Variants in RIMS2 observed in about 807,000 individuals in gnomAD.
RIMS2 encodes the protein regulating synaptic membrane exocytosis protein 2.
Under a neutral mutation model 174.4 loss-of-function variants are expected in RIMS2, and 59 were observed. The observed-to-expected ratio is 0.34, with a 90% CI of 0.27 to 0.42. The LOEUF (loss-of-function observed/expected upper bound fraction) is 0.42, where lower values mean the gene tolerates loss of function less well. RIMS2 is among the 10% of genes least tolerant of loss of function. The pLI, the probability that RIMS2 is intolerant of heterozygous loss-of-function variation, is 1.00. For synonymous variants in RIMS2, 606 were observed against 572.5 expected (o/e 1.06, Z -0.84); for missense variants, 1,620 against 1,666.3 (o/e 0.97, Z 0.48).
intron 19 of RIMS2, among the ~76,000 whole-genome samples, chr8:104,018,347 G>A (rs1170034877): frequency 1.3e-5 from 2 of 152,096 alleles, no homozygotes; most frequent in African/African-American, 4.8e-5. Flanking sequence ...TTTTACATAA[G>A]ACTTTAGGCT....
chr8:104,215,051 T>C (rs1301622184), intron 19 of RIMS2, among the ~76,000 whole-genome samples: 1 of 152,236 alleles, frequency 6.6e-6, no homozygotes, highest in Non-Finnish European at 1.5e-5. Flanking sequence ...TAACTTTAGA[T>C]GACTTTATTA....
At chr8:104,022,740 T>C (rs2096136675) in intron 19 of RIMS2, among the ~76,000 whole-genome samples, 1 of 152,206 alleles carries the variant, frequency 6.6e-6, no homozygotes, top group Non-Finnish European at 1.5e-5. Context: ...TGTAAAGTTT[T>C]CTAGTGACAA....
At chr8:104,172,820 T>G (rs2098840024) in intron 19 of RIMS2, among the ~76,000 whole-genome samples, 1 of 152,214 alleles carries the variant, frequency 6.6e-6, no homozygotes, top group African/African-American at 2.4e-5. Flanking sequence ...TGGATAATTT[T>G]AAAATCTCAA....
chr8:103,883,977 G>A (rs2099184984), intron 3 of RIMS2, among the ~76,000 whole-genome samples: 2 of 151,716 alleles, frequency 1.3e-5, no homozygotes, highest in Admixed American at 1.3e-4. Context: ...AACTTTCTTG[G>A]CCTTTATTCC....
chr8:103,555,039 G>A (rs1430174412), intron 1 of RIMS2, among the ~76,000 whole-genome samples: 1 of 152,102 alleles, frequency 6.6e-6, no homozygotes, highest in Admixed American at 6.6e-5. Flanking sequence ...TGAGCATGGA[G>A]GGAAGGAGAG....
intron 19 of RIMS2, among the ~76,000 whole-genome samples, chr8:104,195,803 G>A (rs118013107): frequency 0.019 from 2,931 of 152,144 alleles, 39 homozygotes; most frequent in Middle Eastern, 0.031. Context: ...ATGAGCCACC[G>A]TGCCCCACCT....
chr8:103,766,459 A>G (rs1393843120), exon 3 of RIMS2: 1 of 1,604,346 alleles, frequency 6.2e-7, no homozygotes, highest in Non-Finnish European at 8.5e-7. Flanking sequence ...AGTCGATCTC[A>G]TGGGCTCACA....
intron 2 of RIMS2, among the ~76,000 whole-genome samples, chr8:103,722,049 G>A (rs1430558673): frequency 6.6e-6 from 1 of 152,018 alleles, no homozygotes; most frequent in Non-Finnish European, 1.5e-5. Context: ...AGGAAACCAG[G>A]GTAGATATGT....
At chr8:103,737,588 A>G (rs921689058) in intron 2 of RIMS2, among the ~76,000 whole-genome samples, 4 of 152,154 alleles carry the variant, frequency 2.6e-5, no homozygotes, top group African/African-American at 9.7e-5. Flanking sequence ...TGTCATTTTC[A>G]TTCTTACATG....
chr8:104,228,893 G>A (rs933555843), intron 19 of RIMS2, among the ~76,000 whole-genome samples: 7 of 152,120 alleles, frequency 4.6e-5, no homozygotes, highest in African/African-American at 1.4e-4. Flanking sequence ...CAGACAAAGT[G>A]AAGCAAAAGA....
At chr8:104,082,279 A>G (rs2097435226) in intron 19 of RIMS2, among the ~76,000 whole-genome samples, 1 of 152,164 alleles carries the variant, frequency 6.6e-6, no homozygotes. Context: ...GCAGGCTAGC[A>G]TATCCTTTCA....
chr8:103,637,688 A>G (rs901508541), intron 1 of RIMS2, among the ~76,000 whole-genome samples: 6 of 152,298 alleles, frequency 3.9e-5, no homozygotes, highest in African/African-American at 1.4e-4. Context: ...AACAATTTAC[A>G]CAATTACAGT....
At chr8:103,517,186 A>G (rs1247984286) in intron 1 of RIMS2, among the ~76,000 whole-genome samples, 1 of 152,206 alleles carries the variant, frequency 6.6e-6, no homozygotes, top group Non-Finnish European at 1.5e-5. Context: ...TGTTGAACAG[A>G]GGAAGGGGCT....
chr8:103,614,589 G>A (rs1156331065), intron 1 of RIMS2, among the ~76,000 whole-genome samples: 1 of 152,234 alleles, frequency 6.6e-6, no homozygotes, highest in Non-Finnish European at 1.5e-5. Context: ...GCAACAAATG[G>A]CATAGTCTTC....
intron 19 of RIMS2, among the ~76,000 whole-genome samples, chr8:104,094,282 A>G (rs2097715028): frequency 6.6e-6 from 1 of 152,076 alleles, no homozygotes; most frequent in South Asian, 2.1e-4. Context: ...TTTAAAAACT[A>G]TTACAATTAA....
intron 2 of RIMS2, among the ~76,000 whole-genome samples, chr8:103,755,516 A>C (rs570727085): frequency 1.4e-4 from 21 of 152,334 alleles, no homozygotes; most frequent in Admixed American, 4.6e-4. Context: ...TAATATCCTG[A>C]AGAGTGTTTT....
chr8:103,693,750 G>A (rs2097061156), intron 1 of RIMS2, among the ~76,000 whole-genome samples: 1 of 152,136 alleles, frequency 6.6e-6, no homozygotes, highest in South Asian at 2.1e-4. Context: ...TGGGTTTGTT[G>A]GGTTAGTCTT....
chr8:103,567,490 A>G (rs1177944864), intron 1 of RIMS2, among the ~76,000 whole-genome samples: 1 of 152,190 alleles, frequency 6.6e-6, no homozygotes, highest in Non-Finnish European at 1.5e-5. Flanking sequence ...ATGTCGTAAC[A>G]TGTATAGTAC....
chr8:103,956,250 C>G (rs753940596), intron 14 of RIMS2, among the ~76,000 whole-genome samples: 5 of 152,144 alleles, frequency 3.3e-5, no homozygotes, highest in Non-Finnish European at 7.4e-5. Context: ...GAAAAAACTA[C>G]TTTAAATTTC....
Sources: gnomAD v4.1 joint callset for allele counts (sites outside exome capture counted in the v4.1 genomes callset) on GRCh38, gnomAD v4.1.1 for gene constraint, MANE v1.5 for transcripts, NCBI Gene and HGNC (gene_info 2026-07-23, HGNC 2026-07-21) for gene names.